The following RASGRP1 variants were observed in gnomAD, a reference collection of about 807,000 sequenced individuals.
RASGRP1 encodes RAS guanyl releasing protein 1.
Under a neutral mutation model 95.1 loss-of-function variants are expected in RASGRP1, and 37 were observed. That is an observed-to-expected ratio of 0.39 (90% CI 0.30 to 0.51). The LOEUF is 0.51. RASGRP1 is among the 20% of genes least tolerant of loss of function. The probability of loss-of-function intolerance (pLI) is 0.80; values close to 1 mark genes in which losing one functional copy is unlikely to be tolerated. For synonymous variants in RASGRP1, 325 were observed against 353.4 expected, an observed-to-expected ratio of 0.92 and a Z score of 0.90; for missense variants, 711 against 965.4, an observed-to-expected ratio of 0.74 and a Z score of 3.49.
Position 38,502,408 on chromosome 15 carries a change from T to C in RASGRP1, c.1442A>G (p.Asn481Ser). 6.3e-7 allele frequency: 1 copy of C among 1,593,992 alleles called. No homozygotes were observed. The highest frequency in any genetic ancestry group is 8.6e-7 in the Non-Finnish European group (1 of 1,162,050). ...GTATCCATCCTGGTCGTGATCATAGTTCTTGAAGACAGACTGTGAAAAAGG... is the reference window on the plus strand; with the variant it reads ...GTATCCATCCTGGTCGTGATCATAGCTCTTGAAGACAGACTGTGAAAAAGG... ...VQRMVDSVFKNYDHDQDGYIS... is the reference protein window; with the variant it reads ...VQRMVDSVFKSYDHDQDGYIS... Residue 481 changes from asparagine to serine, a missense_variant, in exon 12 of 17, where the codon AAC (asparagine) becomes AGC (serine). This residue lies in a region of RASGRP1 where 491 missense variants were observed against 676.6 expected (regional missense o/e 0.73). Coordinates refer to ENST00000310803, the MANE Select transcript of RASGRP1 (RefSeq NM_005739.4).
rs1243020007 is a variant in RASGRP1, at chr15:38,494,527, A to T, written c.2114T>A (p.Val705Glu). ...PRKTAQDTLY[V>E]LPSPTSPCPS... ...ACATGGAGAGGTGGGACTGGGAAGC[A>T]CATATAGAGTATCCTGGGCTGTCTT... The change falls in exon 16 of 17, where the codon GTG becomes GAG. Residue 705 changes from valine (V) to glutamate (E), a missense_variant. Transcript: ENST00000310803. 4 of 1,596,514 alleles carry T rather than the reference A, an allele frequency of 2.5e-6. No individual in the cohort carries two copies. In the African/African-American group the frequency reaches 5.4e-5, roughly 21 times the overall value.
At chr15:38,542,739 G>A (rs1885528615) in intron 2 of RASGRP1, among the ~76,000 whole-genome samples, 1 of 151,308 alleles carries the variant, frequency 6.6e-6, no homozygotes, top group South Asian at 2.1e-4. Context: ...GTGAGCCAGA[G>A]GGTCCCAATA....
At chr15:38,509,165 T>A (rs1412779112) in intron 8 of RASGRP1, among the ~76,000 whole-genome samples, 1 of 152,194 alleles carries the variant, frequency 6.6e-6, no homozygotes, top group Non-Finnish European at 1.5e-5. Flanking sequence ...GCATATGATT[T>A]TTTTCCTTCC....
At chr15:38,498,679 G>T in intron 15 of RASGRP1, 115 bp downstream of exon 15, 2 of 1,307,626 alleles carry the variant, frequency 1.5e-6, no homozygotes, top group Non-Finnish European at 1.0e-6. Flanking sequence ...CCCTGGCCTA[G>T]CTGTTGAGGT....
At chr15:38,518,816 T>G (rs1051486875) in intron 4 of RASGRP1, among the ~76,000 whole-genome samples, 3 of 152,210 alleles carry the variant, frequency 2.0e-5, no homozygotes, top group Non-Finnish European at 4.4e-5. Flanking sequence ...AAAGAATGTT[T>G]ACAAAAAGTC....
intron 14 of RASGRP1, 91 bp downstream of exon 14, chr15:38,500,012 C>A: frequency 7.5e-7 from 1 of 1,342,252 alleles, no homozygotes. Context: ...AACCTCTTGC[C>A]TTTATAAATT....
chr15:38,526,580 T>G (rs753549177), intron 2 of RASGRP1, among the ~76,000 whole-genome samples, 176 bp from the exon 3 acceptor site: 1 of 152,160 alleles, frequency 6.6e-6, no homozygotes, highest in Non-Finnish European at 1.5e-5. Flanking sequence ...ATTCTTCCCT[T>G]GCAGAATGTC....
At chr15:38,528,060 T>C (rs1892297350) in intron 2 of RASGRP1, among the ~76,000 whole-genome samples, 1 of 152,166 alleles carries the variant, frequency 6.6e-6, no homozygotes, top group Admixed American at 6.6e-5. Context: ...ACTGGTACTC[T>C]GTTGCCCTTA....
At chr15:38,544,042 T>C (rs1893013139) in intron 2 of RASGRP1, among the ~76,000 whole-genome samples, 1 of 152,208 alleles carries the variant, frequency 6.6e-6, no homozygotes, top group Non-Finnish European at 1.5e-5. Flanking sequence ...ATTTAATTCA[T>C]GGGACCTTAA....
At chr15:38,558,496 A>T (rs1025336858) in intron 2 of RASGRP1, among the ~76,000 whole-genome samples, 1 of 152,252 alleles carries the variant, frequency 6.6e-6, no homozygotes, top group African/African-American at 2.4e-5. Flanking sequence ...AGCACTTTAA[A>T]GCAATGATTC....
intron 3 of RASGRP1, among the ~76,000 whole-genome samples, chr15:38,523,285 C>T (rs1376123357): frequency 4.6e-5 from 7 of 152,192 alleles, no homozygotes; most frequent in African/African-American, 1.4e-4. Context: ...TTCCTATTGC[C>T]TCATCCTGTC....
Position 38,490,817 on chromosome 15 carries a change from A to G in RASGRP1, c.2260-129T>C, listed in dbSNP as rs1045970166. The G allele has an allele frequency of 2.5e-5, 25 of 1,010,440 alleles. No individual in the cohort carries two copies. In the South Asian group the frequency reaches 4.0e-4, roughly 16 times the overall value. 62.6% of individuals were successfully genotyped at this position (1,010,440 alleles called of 1,614,324 possible). On this transcript the variant is annotated intron_variant, in intron 16 of 16. Transcript: ENST00000310803. ...CTGAGAATTAACAACCATTTTCAAG[A>G]TAGTTATTTTGCCCTGAATAGAAAA...
At chr15:38,507,679 T>G in intron 9 of RASGRP1, 47 bp downstream of exon 9, 1 of 1,534,580 alleles carries the variant, frequency 6.5e-7, no homozygotes, top group East Asian at 2.5e-5. Context: ...GAATGGCACC[T>G]GGCACACAGA....
At chr15:38,495,841 G>A (rs1245655251) in intron 15 of RASGRP1, among the ~76,000 whole-genome samples, 1 of 151,590 alleles carries the variant, frequency 6.6e-6, no homozygotes, top group Non-Finnish European at 1.5e-5. Context: ...CAACTTTTCT[G>A]TAATACAGTT....
chr15:38,523,054 T>G (rs1040988287), intron 3 of RASGRP1, among the ~76,000 whole-genome samples: 4 of 152,090 alleles, frequency 2.6e-5, no homozygotes, highest in Non-Finnish European at 5.9e-5. Flanking sequence ...AAGAGTCATT[T>G]CTGAAGTAGA....
intron 11 of RASGRP1, 90 bp from the exon 12 acceptor site, chr15:38,502,511 TAAAAGCCTTTTAAC>T (rs1891074581): frequency 1.3e-6 from 1 of 779,066 alleles, no homozygotes; most frequent in Non-Finnish European, 2.1e-6. Flanking sequence ...GGCAGTTGGA[TAAAAGCCTTTTAAC>T]AACCTGAACG....
intron 2 of RASGRP1, among the ~76,000 whole-genome samples, chr15:38,527,807 T>C (rs147838156): frequency 1.3e-5 from 2 of 151,992 alleles, no homozygotes; most frequent in African/African-American, 4.8e-5. Context: ...TGAGAAAATA[T>C]AAGTGGCTGG....
intron 2 of RASGRP1, among the ~76,000 whole-genome samples, chr15:38,547,894 G>A (rs71470559): frequency 1.3e-5 from 2 of 151,970 alleles, no homozygotes; most frequent in Non-Finnish European, 2.9e-5. Flanking sequence ...ATGGGGTGTG[G>A]AGGAGAGTAT....
chr15:38,490,632 T>C lies in RASGRP1; in HGVS notation c.2316A>G (p.Ala772=), dbSNP rs755058719. The C allele has an allele frequency of 3.7e-6, 6 of 1,613,338 alleles. No individual in the cohort carries two copies. Among genetic ancestry groups the C allele is most frequent in the Non-Finnish European group, 5.1e-6 (6 of 1,179,422 alleles). The change falls in exon 17 of 17, where the codon GCA becomes GCG. Residue 772 remains alanine, a synonymous_variant. Transcript: ENST00000310803. ...NDALKIQLKY[A]QKKIESLQLE... ...GCTGGAGGGATTCTATTTTCTTCTG[T>C]GCATATTTCAGTTGGATCTTTAGGG... is the stretch of plus-strand genomic sequence containing the variant.
Sources: allele counts gnomAD v4.1 joint callset (sites outside exome capture counted in the v4.1 genomes callset), GRCh38; gene constraint gnomAD v4.1.1; regional missense constraint gnomAD v4.1.1; transcripts MANE v1.5; gene names NCBI Gene and HGNC (gene_info 2026-07-23, HGNC 2026-07-21).